The following ZC2HC1B variants were observed in gnomAD, a reference collection of about 807,000 sequenced individuals.
The protein encoded by ZC2HC1B is zinc finger C2HC-type containing 1B.
ZC2HC1B carries 36 observed loss-of-function variants against 31.0 expected under a neutral mutation model. The ratio of observed to expected loss-of-function variants is 1.16; its 90% CI spans 0.89 to 1.54. ZC2HC1B has a LOEUF of 1.54. Ranked by LOEUF, ZC2HC1B falls within the 40% of genes most tolerant of loss-of-function variation. ZC2HC1B has a pLI of 0.00. For synonymous variants in ZC2HC1B, 73 were observed against 88.0 expected (o/e 0.83, Z 0.95); for missense variants, 260 against 268.6 (o/e 0.97, Z 0.22).
chr6:143,894,120 G>A (rs958690804), intron 4 of ZC2HC1B, among the ~76,000 whole-genome samples: 1 of 152,122 alleles, frequency 6.6e-6, no homozygotes, highest in African/African-American at 2.4e-5. Context: ...TATTCATATA[G>A]CGTAAACTGG....
intron 4 of ZC2HC1B, among the ~76,000 whole-genome samples, chr6:143,891,708 A>T (rs987216128): frequency 6.6e-6 from 1 of 151,326 alleles, no homozygotes; most frequent in African/African-American, 2.4e-5. Flanking sequence ...AAAAAAAAAA[A>T]GAAAGAAAAA....
rs34994479 is a variant in ZC2HC1B at position 143,877,272 on chromosome 6, C to CTTTTTTTT, written c.29-7012_29-7005dup. 1.2e-3 allele frequency among the ~76,000 whole-genome samples: 50 copies of CTTTTTTTT among 42,596 alleles called. 1 individual carries two copies. The highest frequency in any genetic ancestry group is 1.6e-3 in the East Asian group (2 of 1,224). The allele number at this position is 42,596 out of a possible 152,430, so 27.9% of individuals were successfully genotyped here. On this transcript the variant is annotated intron_variant, in intron 1 of 7. Coordinates refer to ENST00000237275, the MANE Select transcript of ZC2HC1B (RefSeq NM_001013623.3). ...TTTCTCCTAAAGATTTTTTTAATTTCTTTTTTTTTTTTTTTTTTTTTTTTT... is the reference window on the plus strand; with the variant it reads ...TTTCTCCTAAAGATTTTTTTAATTTCTTTTTTTTTTTTTTTTTTTTTTTTTTTTTTTTT...
At chr6:143,906,353 T>C (rs1040501148) in intron 6 of ZC2HC1B, among the ~76,000 whole-genome samples, 3 of 152,142 alleles carry the variant, frequency 2.0e-5, no homozygotes, top group African/African-American at 7.2e-5. Context: ...GAAATCCTTT[T>C]TTATTTCTAT....
chr6:143,930,404 T>C (rs1276833534), intron 6 of ZC2HC1B, among the ~76,000 whole-genome samples: 1 of 136,904 alleles, frequency 7.3e-6, no homozygotes, highest in African/African-American at 2.8e-5. Context: ...TTTTTTTTCC[T>C]GAGACGGAGT....
At chr6:143,937,558 T>C in intron 6 of ZC2HC1B, 91 bp from the exon 7 acceptor site, 3 of 1,204,602 alleles carry the variant, frequency 2.5e-6, no homozygotes, top group Non-Finnish European at 3.4e-6. Context: ...ATAGAAACTT[T>C]TGAACCCATG....
intron 1 of ZC2HC1B, among the ~76,000 whole-genome samples, chr6:143,867,039 T>A (rs75301881): frequency 0.014 from 2,170 of 152,318 alleles, 46 homozygotes; most frequent in African/African-American, 0.05. Flanking sequence ...TAATACAAGC[T>A]TTGTTTCATG....
Position 143,898,650 on chromosome 6 carries a change from A to C in ZC2HC1B, c.448A>C (p.Asn150His). 1 of 1,552,070 alleles carries C rather than the reference A, an allele frequency of 6.4e-7. No individual in the cohort carries two copies. The highest frequency in any genetic ancestry group is 8.7e-7 in the Non-Finnish European group (1 of 1,147,044). ...GGATCAGTCTTCTCGCCGAGTCTTT[A>C]ATCCAGCTCAGACAGCAGCCAAATT... ...CKDQSSRRVFNPAQTAAKLAS... is the reference protein window; with the variant it reads ...CKDQSSRRVFHPAQTAAKLAS... Residue 150 changes from asparagine to histidine, a missense_variant, in exon 5 of 8, where the codon AAT (asparagine) becomes CAT (histidine). Transcript: ENST00000237275.
Position 143,921,807 on chromosome 6 carries a change from T to A in ZC2HC1B, c.599-15842T>A, listed in dbSNP as rs1211882837. On this transcript the variant is annotated intron_variant, in intron 6 of 7. Transcript: ENST00000237275. This position sits in a 1 kb window ranked among gnomAD's most constrained non-coding sequence, Gnocchi z 6.1. ...ATTTGCTACATGTGGTGGCACCCAC[T>A]TGTAGCTCTTGCTACCCAGGAGACT... Among the ~76,000 whole-genome samples the A allele has an allele frequency of 6.6e-6, 1 of 152,152 alleles. No individual in the cohort carries two copies. Among genetic ancestry groups the A allele is most frequent in the African/African-American group, 2.4e-5 (1 of 41,442 alleles).
chr6:143,869,146 G>T lies in ZC2HC1B; in HGVS notation c.28+4579G>T, dbSNP rs1364328738. ...CAAACCTTCATTCCTGAAGGGTCTGGGCCATTTGTAGTCCTGCCTGGATTA... is the reference window on the plus strand; with the variant it reads ...CAAACCTTCATTCCTGAAGGGTCTGTGCCATTTGTAGTCCTGCCTGGATTA... On this transcript the variant is annotated intron_variant, in intron 1 of 7. Coordinates refer to ENST00000237275, the MANE Select transcript of ZC2HC1B (RefSeq NM_001013623.3). The surrounding 1 kb of genome is among the most constrained non-coding windows in gnomAD (Gnocchi z 5.2). 6.6e-6 allele frequency among the ~76,000 whole-genome samples: 1 copy of T among 152,016 alleles called. No homozygotes were observed.
At chr6:143,937,065 T>C (rs925669101) in intron 6 of ZC2HC1B, among the ~76,000 whole-genome samples, 2 of 152,184 alleles carry the variant, frequency 1.3e-5, no homozygotes, top group Non-Finnish European at 2.9e-5. Flanking sequence ...AAAAAGAACC[T>C]CTGAGAATCC....
At chr6:143,879,559 G>A (rs1777444486) in intron 1 of ZC2HC1B, among the ~76,000 whole-genome samples, 1 of 152,146 alleles carries the variant, frequency 6.6e-6, no homozygotes, top group Non-Finnish European at 1.5e-5. Flanking sequence ...GTTCTGGACT[G>A]CAAAGAACTG....
intron 1 of ZC2HC1B, among the ~76,000 whole-genome samples, chr6:143,867,590 C>T (rs779786944): frequency 4.6e-5 from 7 of 152,162 alleles, no homozygotes; most frequent in Non-Finnish European, 7.3e-5. Context: ...CAGAACCTTC[C>T]TATGGGGTGA....
intron 1 of ZC2HC1B, among the ~76,000 whole-genome samples, chr6:143,867,190 G>A (rs1482723255): frequency 6.6e-6 from 1 of 152,118 alleles, no homozygotes; most frequent in East Asian, 1.9e-4. Flanking sequence ...AAACACTTCT[G>A]GTCCCAAGCA....
chr6:143,869,828 T>G lies in ZC2HC1B; in HGVS notation c.28+5261T>G, dbSNP rs1777314941. On this transcript the variant is annotated intron_variant, in intron 1 of 7. Coordinates refer to ENST00000237275, the MANE Select transcript of ZC2HC1B (RefSeq NM_001013623.3). The surrounding 1 kb of genome is among the most constrained non-coding windows in gnomAD (Gnocchi z 5.2). ...GTGGAAGTCCATGTTGCTGAGTCCA[T>G]GCATAACCTTCATTCCTGCCACCAT... 6.6e-6 allele frequency among the ~76,000 whole-genome samples: 1 copy of G among 152,192 alleles called. No homozygotes were observed. Among genetic ancestry groups the G allele is most frequent in the South Asian group, 2.1e-4 (1 of 4,830 alleles).
rs1275255637 is a variant in ZC2HC1B, at chr6:143,883,098, G to A, written c.29-1206G>A. Among the ~76,000 whole-genome samples the A allele has an allele frequency of 1.3e-5, 2 of 152,160 alleles. No homozygotes were observed. The highest frequency in any genetic ancestry group is 3.9e-4 in the East Asian group (2 of 5,182). On this transcript the variant is annotated intron_variant, in intron 1 of 7. Transcript: ENST00000237275. This position sits in a 1 kb window ranked among gnomAD's most constrained non-coding sequence, Gnocchi z 4.1. The stretch of plus-strand genomic sequence containing the variant: ...TCTGTCTCCCAGGCTGGAGTGCAGT[G>A]TTATGATCATGGCTCACTGCAACTT...
chr6:143,925,777 AG>A (rs1381244454), intron 6 of ZC2HC1B, among the ~76,000 whole-genome samples: 2 of 151,476 alleles, frequency 1.3e-5, no homozygotes, highest in Non-Finnish European at 2.9e-5. Flanking sequence ...GACCTCAGGA[AG>A]CCCACCTTGG....
At chr6:143,931,726 G>T (rs1778120871) in intron 6 of ZC2HC1B, among the ~76,000 whole-genome samples, 1 of 152,054 alleles carries the variant, frequency 6.6e-6, no homozygotes, top group Non-Finnish European at 1.5e-5. Context: ...TCCTTTATAG[G>T]TTACCTGATG....
intron 4 of ZC2HC1B, among the ~76,000 whole-genome samples, chr6:143,897,244 T>C (rs1286193070): frequency 6.6e-6 from 1 of 151,374 alleles, no homozygotes; most frequent in Admixed American, 6.6e-5. Flanking sequence ...GAGTTTGAGG[T>C]TGATGCAGTT....
In ZC2HC1B at chr6:143,886,969, T is replaced by C; in HGVS notation, c.349+148T>C. ...AAAGTAAACATCCTATTTTTTTCAA[T>C]TCTGCATAAAGATTCTGTGTTTCCT... On this transcript the variant is annotated intron_variant, in intron 4 of 7. Transcript: ENST00000237275. The surrounding 1 kb of genome is among the most constrained non-coding windows in gnomAD (Gnocchi z 4.2). 1.1e-6 allele frequency: 1 copy of C among 908,818 alleles called. No individual in the cohort carries two copies. Among genetic ancestry groups the C allele is most frequent in the Non-Finnish European group, 1.5e-6 (1 of 649,410 alleles). 56.3% of individuals were successfully genotyped at this position (908,818 alleles called of 1,614,324 possible). A position where few individuals can be genotyped will look rare whatever the true frequency, so the allele number is the denominator to read the frequency against.
Sources: allele counts gnomAD v4.1 joint callset (sites outside exome capture counted in the v4.1 genomes callset), GRCh38; gene constraint gnomAD v4.1.1; non-coding constraint Gnocchi (gnomAD v3.1); transcripts MANE v1.5; gene names NCBI Gene and HGNC (gene_info 2026-07-23, HGNC 2026-07-21).